Variants in DYNC2I2 observed in about 807,000 individuals in gnomAD.
The protein encoded by DYNC2I2 is dynein 2 intermediate chain 2, also known as cytoplasmic dynein 2 intermediate chain 2.
DYNC2I2 carries 39 observed loss-of-function variants against 52.0 expected under a neutral mutation model. The observed-to-expected ratio is 0.75, with a 90% confidence interval of 0.58 to 0.98. The LOEUF is 0.98. Ranked by LOEUF, DYNC2I2 falls within the 50% of genes least tolerant of loss-of-function variation. The pLI is 0.00. For synonymous variants in DYNC2I2, 359 were observed against 321.1 expected (o/e 1.12, Z -1.26); for missense variants, 743 against 728.4 (o/e 1.02, Z -0.23).
At position 128,634,336 on chromosome 9, in the gene DYNC2I2, G is replaced by C; in HGVS notation, c.1262C>G (p.Ser421Cys). The C allele has an allele frequency of 6.2e-7, 1 of 1,609,786 alleles. No individual in the cohort carries two copies. The highest frequency in any genetic ancestry group is 8.5e-7 in the Non-Finnish European group (1 of 1,178,642). ...AGTCAAGGGAGGGGCCTGCAGCATGGAGTACAGGTGGACATGCCCGTCAGT... is the reference window on the plus strand; with the variant it reads ...AGTCAAGGGAGGGGCCTGCAGCATGCAGTACAGGTGGACATGCCCGTCAGT... ...AGTDGHVHLYSMLQAPPLTSL... is the reference protein window; with the variant it reads ...AGTDGHVHLYCMLQAPPLTSL... The change falls in exon 8 of 9, where the codon TCC becomes TGC. Residue 421 changes from serine (S) to cysteine (C), a missense_variant. By Grantham distance (112) the Ser-to-Cys change is moderately radical (BLOSUM62 -1). Transcript: ENST00000372715.
intron 1 of DYNC2I2, among the ~76,000 whole-genome samples, chr9:128,643,936 A>C (rs192649333): frequency 6.6e-6 from 1 of 152,264 alleles, no homozygotes; most frequent in Non-Finnish European, 1.5e-5. Flanking sequence ...TGTGACTTGA[A>C]GCCCCAGAGC....
rs1860371629 is a variant in DYNC2I2, at chr9:128,635,269, C to A, written c.814-10G>T. The A allele has an allele frequency of 6.2e-7, 1 of 1,611,996 alleles. No individual in the cohort carries two copies. Among genetic ancestry groups the A allele is most frequent in the African/African-American group, 1.3e-5 (1 of 74,874 alleles). On this transcript the variant is annotated splice_polypyrimidine_tract_variant and intron_variant, in intron 5 of 8. Coordinates refer to ENST00000372715, the MANE Select transcript of DYNC2I2 (RefSeq NM_052844.4). ...CGGGCAGCCACACCACCTGAGTTAACAGCATGCAGGGCCAGGATGGAGACA... is the reference window on the plus strand; with the variant it reads ...CGGGCAGCCACACCACCTGAGTTAAAAGCATGCAGGGCCAGGATGGAGACA...
intron 1 of DYNC2I2, among the ~76,000 whole-genome samples, chr9:128,649,675 TGA>T (rs1156795530): frequency 2.2e-5 from 2 of 90,484 alleles, no homozygotes; most frequent in African/African-American, 6.3e-5. Context: ...GGCAAGACAG[TGA>T]GACTCCATCT....
At chr9:128,634,516 C>T (rs75850453) in intron 7 of DYNC2I2, 133 bp from the exon 8 acceptor site, 1 of 1,349,150 alleles carries the variant, frequency 7.4e-7, no homozygotes. Flanking sequence ...TGGAGTTGGT[C>T]CTCTCATTAG....
the DYNC2I2 span, among the ~76,000 whole-genome samples, chr9:128,664,188 C>T: frequency 1.3e-5 from 2 of 152,008 alleles, no homozygotes; most frequent in African/African-American, 2.4e-5. Flanking sequence ...TCTTGAACCT[C>T]TAACCTCAGG....
chr9:128,638,204 G>A (rs539388813), intron 2 of DYNC2I2, among the ~76,000 whole-genome samples: 8 of 144,502 alleles, frequency 5.5e-5, no homozygotes, highest in African/African-American at 2.1e-4. Flanking sequence ...CTAAGCAACA[G>A]AGCAAGACCC....
the DYNC2I2 span, among the ~76,000 whole-genome samples, chr9:128,680,527 G>A: frequency 4.0e-5 from 6 of 151,556 alleles, no homozygotes; most frequent in South Asian, 2.1e-4. Flanking sequence ...ACAGGCGCCC[G>A]CCACCATGCT....
intron 1 of DYNC2I2, among the ~76,000 whole-genome samples, chr9:128,643,212 C>G (rs965610455): frequency 6.6e-6 from 1 of 151,912 alleles, no homozygotes; most frequent in Non-Finnish European, 1.5e-5. Context: ...GAGGGAAACT[C>G]TGTACCTACA....
At position 128,635,719 on chromosome 9, in the gene DYNC2I2, T is replaced by C; in HGVS notation, c.752A>G (p.Glu251Gly). Residue 251 changes from glutamate (E) to glycine (G), a missense_variant, in exon 5 of 9, where the codon GAG (glutamate) becomes GGG (glycine). By Grantham distance (98) the Glu-to-Gly change is moderately conservative. Transcript: ENST00000372715. ...EVLVWDLSRLEDPLLWRTGLT... is the reference protein window; with the variant it reads ...EVLVWDLSRLGDPLLWRTGLT... ...GCCTGTGCGCCACAGCAGCGGGTCC[T>C]CAAGACGGCTCAGGTCCCACACCAA... 1 of 1,613,074 alleles carries C rather than the reference T, an allele frequency of 6.2e-7. No homozygotes were observed. Among genetic ancestry groups the C allele is most frequent in the South Asian group, 1.1e-5 (1 of 90,864 alleles).
chr9:128,648,004 G>A (rs1446758929), intron 1 of DYNC2I2, among the ~76,000 whole-genome samples: 1 of 152,086 alleles, frequency 6.6e-6, no homozygotes, highest in Non-Finnish European at 1.5e-5. Context: ...CCAGAAAGGT[G>A]AGGAGATGCC....
chr9:128,669,424 G>A, the DYNC2I2 span, among the ~76,000 whole-genome samples: 19 of 152,028 alleles, frequency 1.2e-4, no homozygotes, highest in Admixed American at 3.3e-4. Flanking sequence ...AAGGCCCAGC[G>A]CAGTGGCTCA....
chr9:128,663,946 C>G, the DYNC2I2 span, among the ~76,000 whole-genome samples: 2 of 148,828 alleles, frequency 1.3e-5, no homozygotes, highest in Non-Finnish European at 3.0e-5. Flanking sequence ...AGCTACTGCA[C>G]CCAGGCTTTT....
upstream of DYNC2I2, among the ~76,000 whole-genome samples, chr9:128,661,475 G>A (rs1040610434): frequency 7.3e-5 from 11 of 151,230 alleles, no homozygotes; most frequent in Admixed American, 5.3e-4. Flanking sequence ...AAAATTATAC[G>A]GGTGACATAG....
the DYNC2I2 span, among the ~76,000 whole-genome samples, chr9:128,673,544 C>T: frequency 6.6e-6 from 1 of 150,548 alleles, no homozygotes; most frequent in African/African-American, 2.4e-5. Context: ...CTAGCTCTGT[C>T]ACCCGGGCTG....
At chr9:128,681,137 C>T in the DYNC2I2 span, among the ~76,000 whole-genome samples, 1 of 152,152 alleles carries the variant, frequency 6.6e-6, no homozygotes, top group South Asian at 2.1e-4. Context: ...GTCACCCAGG[C>T]TGGAGTGCAG....
chr9:128,633,775 AGGT>A lies in DYNC2I2; in HGVS notation c.1577_1579del (p.Asp526_Leu527delinsVal). ...CGCCACCTCTGCTGCCAGGCAGTCC[AGGT>A]CCTCAGCTTCCCGGGGCCCTTGTTC... On this transcript the variant is annotated inframe_deletion, in exon 9 of 9. Transcript: ENST00000372715. The A allele has an allele frequency of 6.2e-7, 1 of 1,613,520 alleles. No individual in the cohort carries two copies. The highest frequency in any genetic ancestry group is 8.5e-7 in the Non-Finnish European group (1 of 1,180,034).
chr9:128,673,986 TGAGTA>T, the DYNC2I2 span, among the ~76,000 whole-genome samples: 1 of 151,626 alleles, frequency 6.6e-6, no homozygotes, highest in East Asian at 1.9e-4. Flanking sequence ...TTTTGTATTT[TGAGTA>T]GAGACTGGGT....
chr9:128,642,589 T>A (rs1198277654), intron 1 of DYNC2I2, among the ~76,000 whole-genome samples: 2 of 150,416 alleles, frequency 1.3e-5, no homozygotes, highest in Admixed American at 6.6e-5. Context: ...GCTAATACGG[T>A]GAAACCCCGT....
the DYNC2I2 span, among the ~76,000 whole-genome samples, chr9:128,667,840 C>CTCCT: frequency 7.0e-6 from 1 of 143,246 alleles, no homozygotes; most frequent in African/African-American, 2.7e-5. Flanking sequence ...TCAAGCGATT[C>CTCCT]TCCTGCCTCA....
Sources: allele counts gnomAD v4.1 joint callset (sites outside exome capture counted in the v4.1 genomes callset), GRCh38; gene constraint gnomAD v4.1.1; transcripts MANE v1.5; gene names NCBI Gene and HGNC (gene_info 2026-07-23, HGNC 2026-07-21).